SAMD5: variants seen among roughly 807,000 people sequenced by gnomAD.
The protein encoded by SAMD5 is sterile alpha motif domain-containing protein 5.
A neutral mutation model predicts 11.3 loss-of-function variants in SAMD5; 13 were observed. That is an observed-to-expected ratio of 1.15 (90% CI 0.75 to 1.83). The LOEUF (loss-of-function observed/expected upper bound fraction) is 1.83, where lower values mean the gene tolerates loss of function less well. Ranked by LOEUF, SAMD5 falls within the 40% of genes most tolerant of loss-of-function variation. The pLI, the probability that SAMD5 is intolerant of heterozygous loss-of-function variation, is 0.00. For synonymous variants in SAMD5, 129 were observed against 111.3 expected (o/e 1.16, Z -1.00); for missense variants, 255 against 239.1 (o/e 1.07, Z -0.44).
chr6:147,897,986 G>A, the SAMD5 span, among the ~76,000 whole-genome samples: 1 of 145,998 alleles, frequency 6.8e-6, no homozygotes, highest in South Asian at 2.2e-4. Flanking sequence ...GTAGCCAGGT[G>A]AGGAGAATGT....
At chr6:147,675,721 A>C (rs995631287) in intron 1 of SAMD5, among the ~76,000 whole-genome samples, 2 of 152,160 alleles carry the variant, frequency 1.3e-5, no homozygotes, top group African/African-American at 4.8e-5. Context: ...ATATAACTTA[A>C]ATGTAGATTT....
intron 1 of SAMD5, among the ~76,000 whole-genome samples, chr6:147,720,381 G>T (rs192844006): frequency 0.019 from 2,851 of 151,916 alleles, 90 homozygotes; most frequent in African/African-American, 0.066. Context: ...GAGAATGGCG[G>T]GAACCCAGGA....
At chr6:147,905,187 C>CT in the SAMD5 span, among the ~76,000 whole-genome samples, 4 of 150,618 alleles carry the variant, frequency 2.7e-5, no homozygotes, top group African/African-American at 7.3e-5. Flanking sequence ...TGCGCCCGGC[C>CT]TTTTTTTTTC....
chr6:147,768,246 C>A, the SAMD5 span, among the ~76,000 whole-genome samples: 1 of 152,148 alleles, frequency 6.6e-6, no homozygotes, highest in Non-Finnish European at 1.5e-5. Flanking sequence ...ACCTGTAATT[C>A]CAGCACTTTG....
the SAMD5 span, among the ~76,000 whole-genome samples, chr6:147,744,898 A>G: frequency 1.2e-4 from 4 of 34,350 alleles, no homozygotes; most frequent in Non-Finnish European, 1.7e-4. Context: ...ACTCTGTCTC[A>G]CAATAAATAA....
At chr6:147,933,617 T>C in the SAMD5 span, among the ~76,000 whole-genome samples, 2 of 151,508 alleles carry the variant, frequency 1.3e-5, no homozygotes, top group Non-Finnish European at 2.9e-5. Context: ...GGTGTTGTTT[T>C]AGAGGTCCCT....
At chr6:147,834,277 C>CTT in the SAMD5 span, among the ~76,000 whole-genome samples, 42,982 of 151,952 alleles carry the variant, frequency 0.28, 7,091 homozygotes, top group African/African-American at 0.46. Context: ...CTTTATTTCT[C>CTT]TGTTTTGCTG....
In SAMD5 at chr6:147,689,365, C is replaced by T. The variant is rs566954188; in HGVS notation, c.163-47952C>T. On this transcript the variant is annotated intron_variant, in intron 1 of 1. Transcript: ENST00000566741. ...TCAGCTCAGAAAGAATGGGCTTCAG[C>T]CATACTTCCAAAATATACCAACTCA... Among the ~76,000 whole-genome samples the T allele has an allele frequency of 2.6e-4, 39 of 152,260 alleles. 2 individuals carry two copies. The highest frequency in any genetic ancestry group is 7.9e-4 in the African/African-American group (33 of 41,544).
At chr6:147,780,719 A>T in the SAMD5 span, among the ~76,000 whole-genome samples, 1 of 152,218 alleles carries the variant, frequency 6.6e-6, no homozygotes, top group Non-Finnish European at 1.5e-5. Flanking sequence ...TGCTACCAAA[A>T]TTTAAAAATA....
At chr6:147,523,859 T>C (rs1463391300) in intron 1 of SAMD5, among the ~76,000 whole-genome samples, 9 of 152,168 alleles carry the variant, frequency 5.9e-5, no homozygotes, top group African/African-American at 1.9e-4. Context: ...GGATAGTTGC[T>C]GCCCGGGATC....
At chr6:147,510,427 G>A (rs749365411) in intron 1 of SAMD5, among the ~76,000 whole-genome samples, 1 of 152,168 alleles carries the variant, frequency 6.6e-6, no homozygotes, top group Non-Finnish European at 1.5e-5. Context: ...ACAGGAATAT[G>A]AGCACCTCAG....
chr6:147,801,877 C>A, the SAMD5 span, among the ~76,000 whole-genome samples: 11 of 152,118 alleles, frequency 7.2e-5, no homozygotes, highest in South Asian at 2.1e-4. Context: ...GAAAAAGGAA[C>A]CTTGACCCCT....
the SAMD5 span, among the ~76,000 whole-genome samples, chr6:147,858,568 A>G: frequency 6.6e-6 from 1 of 152,342 alleles, no homozygotes; most frequent in East Asian, 1.9e-4. Context: ...GGAGGTAATC[A>G]ATTCTCAAAA....
At chr6:147,660,316 G>C (rs1048440880) in intron 1 of SAMD5, among the ~76,000 whole-genome samples, 5 of 152,036 alleles carry the variant, frequency 3.3e-5, no homozygotes, top group Admixed American at 3.3e-4. Flanking sequence ...GGCTTGTATT[G>C]AACCTTGAAG....
the SAMD5 span, among the ~76,000 whole-genome samples, chr6:147,917,501 G>T: frequency 1.3e-5 from 2 of 152,050 alleles, no homozygotes; most frequent in East Asian, 3.9e-4. Flanking sequence ...CTCCCACTTT[G>T]TAGGTTGCCT....
At chr6:147,617,313 C>G (rs6932551) in intron 1 of SAMD5, among the ~76,000 whole-genome samples, 14,019 of 152,120 alleles carry the variant, frequency 0.092, 2,150 homozygotes, top group African/African-American at 0.32. Context: ...AAATAAGGAC[C>G]TCTTATGGTG....
the SAMD5 span, among the ~76,000 whole-genome samples, chr6:147,744,435 T>C: frequency 6.6e-6 from 1 of 152,216 alleles, no homozygotes; most frequent in Admixed American, 6.5e-5. Context: ...AAATTACTCT[T>C]GAGCTAAAGA....
intron 1 of SAMD5, among the ~76,000 whole-genome samples, chr6:147,727,583 G>T (rs1361584213): frequency 6.6e-6 from 1 of 151,904 alleles, no homozygotes; most frequent in African/African-American, 2.4e-5. Context: ...GTTTCCTGGT[G>T]TATCTTTAGA....
intron 1 of SAMD5, among the ~76,000 whole-genome samples, chr6:147,512,346 C>T (rs558177635): frequency 2.2e-4 from 33 of 152,106 alleles, no homozygotes; most frequent in African/African-American, 7.7e-4. Context: ...ATCAATGATG[C>T]CTGTGATTTT....
Sources: gnomAD v4.1 joint callset for allele counts (sites outside exome capture counted in the v4.1 genomes callset) on GRCh38, gnomAD v4.1.1 for gene constraint, MANE v1.5 for transcripts, NCBI Gene and HGNC (gene_info 2026-07-23, HGNC 2026-07-21) for gene names.